The following FAM107B variants were observed in gnomAD, a reference collection of about 807,000 sequenced individuals.
The protein encoded by FAM107B is protein FAM107B.
A neutral mutation model predicts 31.5 loss-of-function variants in FAM107B; 21 were observed. The ratio of observed to expected loss-of-function variants is 0.67; its 90% CI spans 0.47 to 0.96. The LOEUF is 0.96. Among genes scored for constraint, FAM107B ranks in the 40% least tolerant of loss-of-function variants. FAM107B has a pLI of 0.00. For synonymous variants in FAM107B, 157 were observed against 141.5 expected, an observed-to-expected ratio of 1.11 and a Z score of -0.78; for missense variants, 452 against 377.1, an observed-to-expected ratio of 1.20 and a Z score of -1.64.
intron 1 of FAM107B, among the ~76,000 whole-genome samples, chr10:14,724,655 G>C (rs776281632): frequency 6.6e-6 from 1 of 151,710 alleles, no homozygotes; most frequent in East Asian, 1.9e-4. Context: ...CGTTCCCTAG[G>C]ATGAGAAGCT....
chr10:14,628,112 G>GTTTTTTTTTGT (rs58879328), intron 2 of FAM107B, among the ~76,000 whole-genome samples: 24 of 92,684 alleles, frequency 2.6e-4, no homozygotes, highest in Admixed American at 1.3e-3. Context: ...TGTTTTGCTG[G>GTTTTTTTTTGT]TTTTTTTTTT....
At chr10:14,533,403 G>T (rs760908156) in intron 2 of FAM107B, among the ~76,000 whole-genome samples, 13 of 152,154 alleles carry the variant, frequency 8.5e-5, no homozygotes, top group Non-Finnish European at 1.8e-4. Context: ...TGCCATGACG[G>T]GAGGCTGAAA....
chr10:14,588,711 T>A (rs1349816130), intron 2 of FAM107B, among the ~76,000 whole-genome samples: 2 of 152,018 alleles, frequency 1.3e-5, no homozygotes, highest in Non-Finnish European at 2.9e-5. Context: ...TCCCCACCCA[T>A]CACCCCACAC....
chr10:14,753,713 C>T (rs1244200992), intron 1 of FAM107B, among the ~76,000 whole-genome samples: 1 of 152,160 alleles, frequency 6.6e-6, no homozygotes, highest in East Asian at 1.9e-4. Flanking sequence ...TTTTACTTCA[C>T]ATCTGTTCTT....
chr10:14,665,749 T>A (rs1471260008), intron 2 of FAM107B, among the ~76,000 whole-genome samples: 1 of 152,216 alleles, frequency 6.6e-6, no homozygotes, highest in Non-Finnish European at 1.5e-5. Flanking sequence ...ACAAGTATCA[T>A]CAACCCCAAG....
At chr10:14,616,654 G>A (rs985385398) in intron 2 of FAM107B, among the ~76,000 whole-genome samples, 1 of 152,170 alleles carries the variant, frequency 6.6e-6, no homozygotes, top group Non-Finnish European at 1.5e-5. Flanking sequence ...TGGACTCAGT[G>A]GCTTATGCCT....
At chr10:14,583,086 C>CAAA (rs60205603) in intron 2 of FAM107B, among the ~76,000 whole-genome samples, 1,004 of 56,332 alleles carry the variant, frequency 0.018, 13 homozygotes, top group African/African-American at 0.059. Flanking sequence ...GACTCTGTCT[C>CAAA]AAAAAAAAAA....
At chr10:14,557,885 T>C (rs1319718085) in intron 2 of FAM107B, among the ~76,000 whole-genome samples, 1 of 152,258 alleles carries the variant, frequency 6.6e-6, no homozygotes, top group Non-Finnish European at 1.5e-5. Context: ...GTGCCAGCTC[T>C]TACTCGATAG....
intron 2 of FAM107B, among the ~76,000 whole-genome samples, chr10:14,624,946 C>T (rs1023767959): frequency 2.0e-5 from 3 of 152,008 alleles, no homozygotes; most frequent in South Asian, 4.1e-4. Flanking sequence ...CATGTGTGGC[C>T]GGGCGTGGTG....
At chr10:14,620,252 C>T (rs370464443) in intron 2 of FAM107B, among the ~76,000 whole-genome samples, 2 of 152,002 alleles carry the variant, frequency 1.3e-5, no homozygotes, top group East Asian at 1.9e-4. Flanking sequence ...GTCTCGACCT[C>T]GTGATCCGCC....
At chr10:14,579,591 TTC>T (rs1851569697) in intron 2 of FAM107B, among the ~76,000 whole-genome samples, 1 of 152,190 alleles carries the variant, frequency 6.6e-6, no homozygotes, top group South Asian at 2.1e-4. Flanking sequence ...ATCCAGAAAT[TTC>T]TGTTAGTTGC....
intron 1 of FAM107B, among the ~76,000 whole-genome samples, chr10:14,671,896 A>G (rs1854564476): frequency 6.7e-6 from 1 of 150,344 alleles, no homozygotes; most frequent in South Asian, 2.1e-4. Context: ...AAAAAAACAA[A>G]AAAAAAACCC....
intron 1 of FAM107B, among the ~76,000 whole-genome samples, chr10:14,750,826 C>T (rs564187989): frequency 1.4e-4 from 21 of 152,148 alleles, no homozygotes; most frequent in African/African-American, 1.9e-4. Context: ...TGCTTCTAGA[C>T]GGGAAGGGGG....
At chr10:14,762,254 T>C (rs1035843072) in intron 1 of FAM107B, among the ~76,000 whole-genome samples, 1 of 152,174 alleles carries the variant, frequency 6.6e-6, no homozygotes, top group Non-Finnish European at 1.5e-5. Context: ...TCATGCACTA[T>C]CTTCCTTATT....
chr10:14,600,856 G>C (rs1435176225), intron 2 of FAM107B, among the ~76,000 whole-genome samples: 3 of 152,010 alleles, frequency 2.0e-5, no homozygotes, highest in Admixed American at 2.0e-4. Flanking sequence ...GCCCAGCCTG[G>C]TCTCAAACTC....
chr10:14,725,992 ATT>A (rs200256526), intron 1 of FAM107B, among the ~76,000 whole-genome samples: 2 of 145,806 alleles, frequency 1.4e-5, no homozygotes, highest in Non-Finnish European at 3.0e-5. Flanking sequence ...CACCCGGCTA[ATT>A]TTTTTTTTTC....
intron 2 of FAM107B, among the ~76,000 whole-genome samples, chr10:14,644,317 G>A (rs1853701656): frequency 2.0e-5 from 3 of 152,066 alleles, no homozygotes; most frequent in Admixed American, 2.0e-4. Context: ...TTCACACCTA[G>A]CTGATGAGGT....
At chr10:14,684,282 G>A (rs187511210) in intron 1 of FAM107B, among the ~76,000 whole-genome samples, 158 of 152,056 alleles carry the variant, frequency 1.0e-3, no homozygotes, top group Non-Finnish European at 1.6e-3. Flanking sequence ...GTGAAACCCC[G>A]TCTCTACTAA....
chr10:14,724,165 C>T (rs936279568), intron 1 of FAM107B: 13 of 464,898 alleles, frequency 2.8e-5, no homozygotes, highest in Non-Finnish European at 4.3e-5. Flanking sequence ...GTGTCTTCTA[C>T]GTGTCTTATA....
Sources: gnomAD v4.1 joint callset for allele counts (sites outside exome capture counted in the v4.1 genomes callset) on GRCh38, gnomAD v4.1.1 for gene constraint, MANE v1.5 for transcripts, NCBI Gene and HGNC (gene_info 2026-07-23, HGNC 2026-07-21) for gene names.